GPC5: variants seen among roughly 807,000 people sequenced by gnomAD.
The protein encoded by GPC5 is glypican 5, also known as glypican-5.
GPC5 carries 47 observed loss-of-function variants against 53.9 expected under a neutral mutation model. That is an observed-to-expected ratio of 0.87 (90% CI 0.69 to 1.11). GPC5 has a LOEUF of 1.11. Among genes scored for constraint, GPC5 ranks in the 50% most tolerant of loss-of-function variants. GPC5 has a pLI of 0.00. For missense variants in GPC5, 748 were observed against 713.1 expected, an observed-to-expected ratio of 1.05 and a Z score of -0.56; for synonymous variants, 286 against 263.3, an observed-to-expected ratio of 1.09 and a Z score of -0.84.
At chr13:91,703,620 T>C (rs2036038429) in intron 3 of GPC5, among the ~76,000 whole-genome samples, 1 of 152,174 alleles carries the variant, frequency 6.6e-6, no homozygotes, top group Non-Finnish European at 1.5e-5. Context: ...TTTCTTTTAG[T>C]GTCCTTATCT....
At chr13:92,713,965 T>C (rs1457914938) in intron 7 of GPC5, among the ~76,000 whole-genome samples, 11 of 152,142 alleles carry the variant, frequency 7.2e-5, no homozygotes, top group African/African-American at 2.4e-4. Flanking sequence ...AGAATTGCAA[T>C]GCATGTTCTT....
In GPC5 at chr13:92,681,447, A is replaced by C. The variant is rs531950641; in HGVS notation, c.1562-184835A>C. ...CACCCCACCACTCCTCACATTCCTT[A>C]CATTCCTTTCTCTCCTACCCTGGCC... On this transcript the variant is annotated intron_variant, in intron 7 of 7. Transcript: ENST00000377067. Among the ~76,000 whole-genome samples, 3 of 151,488 alleles carry C rather than the reference A, an allele frequency of 2.0e-5. No homozygotes were observed. In the South Asian group the frequency reaches 6.3e-4, roughly 32 times the overall value.
chr13:92,786,004 C>A (rs1291854827), intron 7 of GPC5, among the ~76,000 whole-genome samples: 1 of 152,164 alleles, frequency 6.6e-6, no homozygotes, highest in Non-Finnish European at 1.5e-5. Context: ...ACTCAAAAAT[C>A]AACCCTTGTC....
intron 7 of GPC5, among the ~76,000 whole-genome samples, chr13:92,198,329 A>G (rs2042271521): frequency 6.6e-6 from 1 of 152,188 alleles, no homozygotes; most frequent in Admixed American, 6.5e-5. Flanking sequence ...CCTGTTACTA[A>G]GAGATGTCCA....
rs886225383 is a variant in GPC5, at chr13:91,673,938, G to T, written c.326-19249G>T. On this transcript the variant is annotated intron_variant, in intron 2 of 7. Coordinates refer to ENST00000377067, the MANE Select transcript of GPC5 (RefSeq NM_004466.6). ...TTGCATTGTTGTCTTTTCCATTATT[G>T]CATTGACTTAGAAACAACAAAATAA... Among the ~76,000 whole-genome samples the T allele has an allele frequency of 1.3e-4, 19 of 151,986 alleles. No homozygotes were observed. In the East Asian group the frequency reaches 3.7e-3, roughly 29 times the overall value.
chr13:92,056,677 T>C (rs1489176136), intron 6 of GPC5, among the ~76,000 whole-genome samples: 6 of 152,242 alleles, frequency 3.9e-5, no homozygotes, highest in African/African-American at 1.4e-4. Flanking sequence ...TCCAATGCCA[T>C]ACAAATTAAA....
intron 5 of GPC5, among the ~76,000 whole-genome samples, chr13:91,783,594 C>T (rs2037831869): frequency 1.3e-5 from 2 of 151,924 alleles, no homozygotes; most frequent in South Asian, 2.1e-4. Flanking sequence ...CCACCATGCC[C>T]GGCTAATTTT....
At chr13:91,950,936 C>A (rs2040020664) in intron 6 of GPC5, among the ~76,000 whole-genome samples, 1 of 152,154 alleles carries the variant, frequency 6.6e-6, no homozygotes, top group Admixed American at 6.6e-5. Context: ...CTCATTCCCT[C>A]TGCTGCCCAC....
intron 7 of GPC5, among the ~76,000 whole-genome samples, chr13:92,158,465 A>C (rs545374871): frequency 6.6e-6 from 1 of 152,294 alleles, no homozygotes; most frequent in African/African-American, 2.4e-5. Context: ...ACGTCTAAAA[A>C]TAAACCTGTC....
At chr13:92,612,371 G>T (rs1884466991) in intron 7 of GPC5, among the ~76,000 whole-genome samples, 1 of 151,928 alleles carries the variant, frequency 6.6e-6, no homozygotes, top group African/African-American at 2.4e-5. Context: ...TTGGAGACTT[G>T]AATCCACATG....
At chr13:92,310,828 AG>A (rs1471850816) in intron 7 of GPC5, among the ~76,000 whole-genome samples, 1 of 152,182 alleles carries the variant, frequency 6.6e-6, no homozygotes, top group Non-Finnish European at 1.5e-5. Context: ...ACCAGATTAT[AG>A]GGTAAAAATA....
intron 7 of GPC5, among the ~76,000 whole-genome samples, chr13:92,778,595 C>G (rs1271746359): frequency 6.6e-6 from 1 of 152,158 alleles, no homozygotes; most frequent in African/African-American, 2.4e-5. Context: ...AATGCCACCT[C>G]ACTAAGGAAT....
intron 7 of GPC5, among the ~76,000 whole-genome samples, chr13:92,217,087 C>T (rs1156619596): frequency 6.6e-6 from 1 of 151,896 alleles, no homozygotes; most frequent in African/African-American, 2.4e-5. Context: ...CACTATTGCA[C>T]TTACCACCTT....
intron 6 of GPC5, among the ~76,000 whole-genome samples, chr13:91,970,832 G>T (rs947166022): frequency 2.6e-5 from 4 of 152,146 alleles, no homozygotes; most frequent in African/African-American, 9.7e-5. Context: ...GATCATGGTG[G>T]ATAAGCTTTT....
intron 7 of GPC5, among the ~76,000 whole-genome samples, chr13:92,394,831 TGTTA>T (rs1179333274): frequency 6.6e-6 from 1 of 152,230 alleles, no homozygotes; most frequent in Non-Finnish European, 1.5e-5. Context: ...TTTTAAATAG[TGTTA>T]GTTTATGGAT....
chr13:91,499,827 GC>G (rs1274189205), intron 2 of GPC5, among the ~76,000 whole-genome samples: 1 of 152,144 alleles, frequency 6.6e-6, no homozygotes, highest in East Asian at 1.9e-4. Flanking sequence ...GATACATGGA[GC>G]CACTTCCTAA....
At chr13:91,963,490 A>C (rs2040145879) in intron 6 of GPC5, among the ~76,000 whole-genome samples, 1 of 152,208 alleles carries the variant, frequency 6.6e-6, no homozygotes, top group Non-Finnish European at 1.5e-5. Flanking sequence ...TCAAAATGGA[A>C]ACATTTGTTT....
intron 7 of GPC5, among the ~76,000 whole-genome samples, chr13:92,232,986 C>G (rs950474653): frequency 1.3e-5 from 2 of 152,146 alleles, no homozygotes; most frequent in Admixed American, 1.3e-4. Context: ...TGAACAAAAT[C>G]GAGCATTTCT....
At chr13:91,907,195 A>T (rs2039562191) in intron 5 of GPC5, among the ~76,000 whole-genome samples, 1 of 149,262 alleles carries the variant, frequency 6.7e-6, no homozygotes. Flanking sequence ...GTATACTGCC[A>T]AATCCCTAAT....
Sources: allele counts gnomAD v4.1 joint callset (sites outside exome capture counted in the v4.1 genomes callset), GRCh38; gene constraint gnomAD v4.1.1; transcripts MANE v1.5; gene names NCBI Gene and HGNC (gene_info 2026-07-23, HGNC 2026-07-21).